The following UVRAG variants were observed in gnomAD, a reference collection of about 807,000 sequenced individuals.
The protein encoded by UVRAG is UV radiation resistance associated.
A neutral mutation model predicts 78.0 loss-of-function variants in UVRAG; 19 were observed. The ratio of observed to expected loss-of-function variants is 0.24; its 90% CI spans 0.17 to 0.36. The LOEUF (loss-of-function observed/expected upper bound fraction) is 0.36, where lower values mean the gene tolerates loss of function less well. UVRAG is among the 10% of genes least tolerant of loss of function. UVRAG has a pLI of 1.00. For missense variants in UVRAG, 740 were observed against 853.8 expected, an observed-to-expected ratio of 0.87 and a Z score of 1.66; for synonymous variants, 323 against 324.6, an observed-to-expected ratio of 1.00 and a Z score of 0.05.
At chr11:75,834,170 G>T (rs150603887) in intron 1 of UVRAG, among the ~76,000 whole-genome samples, 1 of 151,908 alleles carries the variant, frequency 6.6e-6, no homozygotes, top group Non-Finnish European at 1.5e-5. Context: ...ACATTTAGCC[G>T]TTGTGTCTCT....
intron 13 of UVRAG, among the ~76,000 whole-genome samples, chr11:76,107,436 G>T (rs987613421): frequency 4.6e-5 from 7 of 152,160 alleles, no homozygotes; most frequent in Admixed American, 1.3e-4. Flanking sequence ...ACTGGAAGGA[G>T]AAATGAAAGA....
At chr11:76,125,700 G>A (rs913396731) in intron 14 of UVRAG, among the ~76,000 whole-genome samples, 2 of 151,894 alleles carry the variant, frequency 1.3e-5, no homozygotes, top group African/African-American at 4.8e-5. Context: ...TTTTTACTTG[G>A]GTCTTCTTTA....
At chr11:75,999,215 C>CG (rs1439571575) in intron 8 of UVRAG, among the ~76,000 whole-genome samples, 1 of 134,288 alleles carries the variant, frequency 7.4e-6, no homozygotes, top group Admixed American at 7.7e-5. Flanking sequence ...CCTGGGTGAC[C>CG]GGGCAAGACT....
intron 2 of UVRAG, among the ~76,000 whole-genome samples, chr11:75,854,474 T>C (rs529385336): frequency 6.6e-6 from 1 of 152,292 alleles, no homozygotes; most frequent in South Asian, 2.1e-4. Flanking sequence ...TGGAGTGCAG[T>C]GGTGCCATCT....
intron 14 of UVRAG, among the ~76,000 whole-genome samples, chr11:76,139,600 C>T (rs192612300): frequency 6.6e-6 from 1 of 152,328 alleles, no homozygotes; most frequent in Non-Finnish European, 1.5e-5. Context: ...GTGCCTCCCT[C>T]TGCCTCTGGA....
At chr11:75,962,220 C>A (rs1422496264) in intron 7 of UVRAG, among the ~76,000 whole-genome samples, 1 of 151,860 alleles carries the variant, frequency 6.6e-6, no homozygotes, top group African/African-American at 2.4e-5. Context: ...AAATAAAATT[C>A]AGATCTTCAA....
intron 1 of UVRAG, among the ~76,000 whole-genome samples, chr11:75,841,534 TA>T (rs34696509): frequency 0.17 from 26,426 of 151,524 alleles, 3,364 homozygotes; most frequent in African/African-American, 0.35. Context: ...CAATGACCTT[TA>T]AAAAAAAACT....
chr11:75,921,001 G>C (rs992401311), intron 6 of UVRAG, among the ~76,000 whole-genome samples: 1 of 152,210 alleles, frequency 6.6e-6, no homozygotes, highest in East Asian at 1.9e-4. Flanking sequence ...TTTTTAATGC[G>C]TGTTTGTTTT....
chr11:75,855,126 C>A (rs565329982), intron 2 of UVRAG, among the ~76,000 whole-genome samples: 15 of 152,290 alleles, frequency 9.8e-5, no homozygotes, highest in African/African-American at 3.6e-4. Context: ...TGTTAAAAAA[C>A]TTGTCTAGAG....
At chr11:75,833,102 A>G (rs1237078282) in intron 1 of UVRAG, among the ~76,000 whole-genome samples, 4 of 152,062 alleles carry the variant, frequency 2.6e-5, no homozygotes, top group African/African-American at 9.7e-5. Context: ...TATTTTATTT[A>G]TTTTTATTTT....
intron 7 of UVRAG, 50 bp downstream of exon 7, chr11:75,961,599 A>G: frequency 7.1e-7 from 1 of 1,410,882 alleles, no homozygotes; most frequent in Non-Finnish European, 9.6e-7. Context: ...TCTAAAGGAG[A>G]GTATCATATT....
At chr11:75,857,963 T>C (rs1946331814) in intron 2 of UVRAG, among the ~76,000 whole-genome samples, 1 of 152,108 alleles carries the variant, frequency 6.6e-6, no homozygotes, top group Non-Finnish European at 1.5e-5. Context: ...TGACATACTA[T>C]ATGTTTAATT....
At chr11:76,083,013 A>ATTTTTTT (rs1334523508) in intron 13 of UVRAG, among the ~76,000 whole-genome samples, 1 of 152,220 alleles carries the variant, frequency 6.6e-6, no homozygotes, top group Non-Finnish European at 1.5e-5. Context: ...CCTGGGTGAC[A>ATTTTTTT]GAGACCGTGT....
At chr11:76,069,842 A>G (rs1951267503) in intron 13 of UVRAG, among the ~76,000 whole-genome samples, 1 of 152,146 alleles carries the variant, frequency 6.6e-6, no homozygotes, top group Admixed American at 6.5e-5. Flanking sequence ...TTCCATCCTT[A>G]AAGTGCACCA....
chr11:76,115,307 G>A (rs1031809191), intron 13 of UVRAG, among the ~76,000 whole-genome samples: 1 of 152,208 alleles, frequency 6.6e-6, no homozygotes, highest in African/African-American at 2.4e-5. Flanking sequence ...CTCCAGCTAT[G>A]TGCTCTGGTC....
chr11:76,039,572 T>A (rs2134326663), intron 12 of UVRAG, among the ~76,000 whole-genome samples: 1 of 152,228 alleles, frequency 6.6e-6, no homozygotes, highest in South Asian at 2.1e-4. Context: ...CACCTAGCAA[T>A]ATGGTTAATA....
chr11:75,881,516 T>C (rs1266784933), intron 4 of UVRAG, among the ~76,000 whole-genome samples: 4 of 152,138 alleles, frequency 2.6e-5, no homozygotes, highest in Non-Finnish European at 5.9e-5. Flanking sequence ...GGGGTGACTT[T>C]GAATAGAATG....
intron 12 of UVRAG, among the ~76,000 whole-genome samples, chr11:76,020,292 C>T (rs1401608089): frequency 1.3e-5 from 2 of 152,202 alleles, no homozygotes; most frequent in Non-Finnish European, 2.9e-5. Flanking sequence ...GGCCTGGAAT[C>T]AGGGACCCCA....
chr11:75,970,172 G>A (rs1288902273), intron 7 of UVRAG, among the ~76,000 whole-genome samples: 1 of 152,134 alleles, frequency 6.6e-6, no homozygotes, highest in East Asian at 1.9e-4. Flanking sequence ...TATTCATTTT[G>A]GGGACAGAAT....
Sources: allele counts gnomAD v4.1 joint callset (sites outside exome capture counted in the v4.1 genomes callset), GRCh38; gene constraint gnomAD v4.1.1; transcripts MANE v1.5; gene names NCBI Gene and HGNC (gene_info 2026-07-23, HGNC 2026-07-21).